COL24A1: variants seen among roughly 807,000 people sequenced by gnomAD.
The protein encoded by COL24A1 is collagen type XXIV alpha 1 chain, also known as collagen alpha-1(XXIV) chain.
Under a neutral mutation model 253.9 loss-of-function variants are expected in COL24A1, and 224 were observed. The observed-to-expected ratio is 0.88, with a 90% CI of 0.79 to 0.99. The LOEUF (loss-of-function observed/expected upper bound fraction) is 0.99, where lower values mean the gene tolerates loss of function less well. Among genes scored for constraint, COL24A1 ranks in the 50% least tolerant of loss-of-function variants. The pLI is 0.00. For synonymous variants in COL24A1, 685 were observed against 673.7 expected (o/e 1.02, Z -0.26); for missense variants, 2,131 against 2,068.5 (o/e 1.03, Z -0.59).
At chr1:85,775,426 T>C (rs1668438485) in intron 53 of COL24A1, among the ~76,000 whole-genome samples, 1 of 152,190 alleles carries the variant, frequency 6.6e-6, no homozygotes, top group Non-Finnish European at 1.5e-5. Context: ...TGGATATCTT[T>C]GTTAATTTTC....
At chr1:86,017,022 A>T (rs1475023700) in intron 19 of COL24A1, 129 bp downstream of exon 19, 13 of 861,696 alleles carry the variant, frequency 1.5e-5, no homozygotes, top group Non-Finnish European at 2.3e-5. Flanking sequence ...TGTAGTCCAA[A>T]CTATTTACGG....
chr1:85,743,933 G>T (rs1397224171), intron 57 of COL24A1, among the ~76,000 whole-genome samples: 3 of 151,872 alleles, frequency 2.0e-5, no homozygotes, highest in Admixed American at 2.0e-4. Context: ...TGTGAGATGT[G>T]TATGTACAAA....
intron 7 of COL24A1, among the ~76,000 whole-genome samples, chr1:86,080,563 T>C (rs1702563725): frequency 6.6e-6 from 1 of 152,064 alleles, no homozygotes; most frequent in Admixed American, 6.6e-5. Context: ...ATACACTTAC[T>C]ATGTACCTAC....
chr1:85,841,088 A>G, intron 42 of COL24A1, 134 bp downstream of exon 42: 1 of 632,604 alleles, frequency 1.6e-6, no homozygotes, highest in Non-Finnish European at 2.7e-6. Context: ...GACCATAAAT[A>G]TCACCCTCCT....
intron 53 of COL24A1, among the ~76,000 whole-genome samples, chr1:85,774,255 T>C (rs1668293529): frequency 6.6e-6 from 1 of 152,196 alleles, no homozygotes; most frequent in Non-Finnish European, 1.5e-5. Context: ...TTTGATGTAC[T>C]GCTGGATTTG....
At chr1:85,924,750 G>T (rs1026320084) in intron 24 of COL24A1, among the ~76,000 whole-genome samples, 6 of 152,184 alleles carry the variant, frequency 3.9e-5, no homozygotes, top group Non-Finnish European at 8.8e-5. Context: ...CATTCCCTTT[G>T]AAAACTGGCA....
At chr1:86,035,104 T>C (rs973195898) in intron 12 of COL24A1, among the ~76,000 whole-genome samples, 12 of 152,134 alleles carry the variant, frequency 7.9e-5, no homozygotes, top group Non-Finnish European at 1.6e-4. Flanking sequence ...TGTACAATGT[T>C]TCTAAAATAT....
chr1:85,921,582 C>T (rs1276733254), intron 24 of COL24A1, among the ~76,000 whole-genome samples: 1 of 152,158 alleles, frequency 6.6e-6, no homozygotes, highest in Non-Finnish European at 1.5e-5. Context: ...AGCTGAGGGA[C>T]CTGACTCTTA....
At chr1:85,849,524 T>G (rs1029639598) in intron 37 of COL24A1, 118 bp from the exon 38 acceptor site, 1 of 779,622 alleles carries the variant, frequency 1.3e-6, no homozygotes, top group Non-Finnish European at 2.2e-6. Flanking sequence ...AAAATGAGGG[T>G]TAATTTTCAC....
intron 24 of COL24A1, among the ~76,000 whole-genome samples, chr1:85,939,759 T>C (rs1410213742): frequency 1.3e-5 from 2 of 152,158 alleles, no homozygotes; most frequent in African/African-American, 4.8e-5. Context: ...GCTTATATTA[T>C]GTACTTGCAG....
intron 24 of COL24A1, among the ~76,000 whole-genome samples, chr1:85,919,609 G>C (rs1686246116): frequency 6.6e-6 from 1 of 152,204 alleles, no homozygotes; most frequent in Non-Finnish European, 1.5e-5. Flanking sequence ...GAGCCCAGGA[G>C]TTGGAGGCTG....
chr1:85,918,199 C>T (rs1190105256), intron 24 of COL24A1, among the ~76,000 whole-genome samples: 1 of 148,824 alleles, frequency 6.7e-6, no homozygotes, highest in Non-Finnish European at 1.5e-5. Context: ...ATTTCTATGT[C>T]ATTAAATAAT....
At chr1:85,828,195 G>A (rs181133335) in intron 43 of COL24A1, among the ~76,000 whole-genome samples, 1,810 of 152,104 alleles carry the variant, frequency 0.012, 54 homozygotes, top group Non-Finnish European at 0.011. Flanking sequence ...TAGTCATTCA[G>A]GAGCAGATTG....
At chr1:86,109,485 C>T (rs1705326022) in intron 5 of COL24A1, among the ~76,000 whole-genome samples, 1 of 152,110 alleles carries the variant, frequency 6.6e-6, no homozygotes, top group Admixed American at 6.5e-5. Context: ...CATGATTCTC[C>T]CCATTTTACA....
chr1:85,771,524 C>G (rs1667956076), intron 53 of COL24A1, among the ~76,000 whole-genome samples: 1 of 151,932 alleles, frequency 6.6e-6, no homozygotes, highest in Non-Finnish European at 1.5e-5. Context: ...GGGTTGGTTC[C>G]CAGTATTTGC....
chr1:85,979,248 C>T (rs532021224), intron 20 of COL24A1, among the ~76,000 whole-genome samples: 3 of 152,064 alleles, frequency 2.0e-5, no homozygotes, highest in African/African-American at 7.2e-5. Context: ...TGAAAGAGCA[C>T]AAATAGACAA....
intron 2 of COL24A1, among the ~76,000 whole-genome samples, chr1:86,138,178 T>C (rs1650533426): frequency 6.6e-6 from 1 of 152,200 alleles, no homozygotes; most frequent in Non-Finnish European, 1.5e-5. Flanking sequence ...AATATATTGA[T>C]TTTAATCTGT....
At chr1:85,859,479 C>T (rs1160981207) in intron 37 of COL24A1, among the ~76,000 whole-genome samples, 1 of 151,994 alleles carries the variant, frequency 6.6e-6, no homozygotes, top group Non-Finnish European at 1.5e-5. Context: ...TTTAAAGAAC[C>T]CATTATATGT....
chr1:85,835,672 T>C (rs186737895), intron 43 of COL24A1, among the ~76,000 whole-genome samples: 1 of 152,268 alleles, frequency 6.6e-6, no homozygotes, highest in Non-Finnish European at 1.5e-5. Flanking sequence ...ACATGTATAA[T>C]TCTATTTATA....
Sources: gnomAD v4.1 joint callset for allele counts (sites outside exome capture counted in the v4.1 genomes callset) on GRCh38, gnomAD v4.1.1 for gene constraint, MANE v1.5 for transcripts, NCBI Gene and HGNC (gene_info 2026-07-23, HGNC 2026-07-21) for gene names.